LRRC7: variants seen among roughly 807,000 people sequenced by gnomAD.
LRRC7 encodes leucine rich repeat containing 7.
In LRRC7, 23 loss-of-function variants were observed where a neutral mutation model predicts 175.7. The observed-to-expected ratio is 0.13, with a 90% confidence interval of 0.09 to 0.19. LRRC7 has a LOEUF of 0.19. Among genes scored for constraint, LRRC7 ranks in the 10% least tolerant of loss-of-function variants. The probability of loss-of-function intolerance (pLI) is 1.00; values close to 1 mark genes in which losing one functional copy is unlikely to be tolerated. For synonymous variants in LRRC7, 685 were observed against 680.9 expected, an observed-to-expected ratio of 1.01 and a Z score of -0.09; for missense variants, 1,354 against 1,904.7, an observed-to-expected ratio of 0.71 and a Z score of 5.38.
intron 3 of LRRC7, among the ~76,000 whole-genome samples, chr1:69,761,172 T>C (rs1478051707): frequency 6.6e-6 from 1 of 151,984 alleles, no homozygotes. Context: ...CCTAAGTAAG[T>C]AACCCAGATT....
intron 8 of LRRC7, among the ~76,000 whole-genome samples, chr1:69,975,970 C>G (rs894549740): frequency 6.6e-6 from 1 of 152,044 alleles, no homozygotes; most frequent in East Asian, 1.9e-4. Flanking sequence ...CTTTCCTTTC[C>G]CTTGACCCCT....
At chr1:70,044,220 A>G in intron 22 of LRRC7, 126 bp downstream of exon 22, 2 of 858,018 alleles carry the variant, frequency 2.3e-6, no homozygotes, top group Non-Finnish European at 3.5e-6. Context: ...CAAAAAGCAC[A>G]AGGGCAAGTA....
Position 69,948,339 on chromosome 1 carries a change from C to G in LRRC7, c.711+16769C>G, listed in dbSNP as rs114562617. Among the ~76,000 whole-genome samples the G allele has an allele frequency of 8.1e-3, 1,236 of 152,254 alleles. 14 individuals are homozygous for G. The highest frequency in any genetic ancestry group is 0.027 in the African/African-American group (1,131 of 41,550). On this transcript the variant is annotated intron_variant, in intron 8 of 26. Transcript: ENST00000651989. The stretch of plus-strand genomic sequence containing the variant: ...TCATATGCTTTTGTGTCACTGTTTA[C>G]TGTCCTTTTGTTTCAACTTGAAGGA...
At chr1:69,739,288 C>A (rs1668453893) in intron 2 of LRRC7, among the ~76,000 whole-genome samples, 1 of 152,018 alleles carries the variant, frequency 6.6e-6, no homozygotes, top group Non-Finnish European at 1.5e-5. Flanking sequence ...CCTGGCCTTG[C>A]TGGGGGCTCG....
intron 3 of LRRC7, among the ~76,000 whole-genome samples, chr1:69,779,497 A>G (rs974321217): frequency 1.3e-5 from 2 of 152,234 alleles, no homozygotes; most frequent in African/African-American, 4.8e-5. Context: ...ATTATTATTG[A>G]ATACAGTAGA....
At chr1:70,042,727 T>A (rs1307579282) in intron 21 of LRRC7, among the ~76,000 whole-genome samples, 3 of 152,172 alleles carry the variant, frequency 2.0e-5, no homozygotes, top group African/African-American at 4.8e-5. Context: ...ATTTTCCAAG[T>A]GCTAGATTGA....
chr1:69,638,801 T>C (rs948810729), intron 1 of LRRC7, among the ~76,000 whole-genome samples: 4 of 151,740 alleles, frequency 2.6e-5, no homozygotes, highest in African/African-American at 9.7e-5. Context: ...TTAAAGCAAC[T>C]CTGTTTTGAA....
At chr1:69,785,619 A>AT (rs1178964272) in intron 3 of LRRC7, among the ~76,000 whole-genome samples, 22 of 151,776 alleles carry the variant, frequency 1.4e-4, no homozygotes, top group Non-Finnish European at 4.4e-5. Flanking sequence ...CATTCCATTT[A>AT]TTTTGTCTCT....
intron 8 of LRRC7, among the ~76,000 whole-genome samples, chr1:69,973,508 G>T (rs866821375): frequency 3.9e-5 from 6 of 152,114 alleles, no homozygotes; most frequent in African/African-American, 1.4e-4. Context: ...TACATGGCAG[G>T]AGTTATTGGA....
At chr1:70,037,039 TTA>T (rs1337326088) in intron 20 of LRRC7, among the ~76,000 whole-genome samples, 4 of 152,172 alleles carry the variant, frequency 2.6e-5, no homozygotes, top group Non-Finnish European at 5.9e-5. Flanking sequence ...CATCATAATT[TTA>T]TCACCACCTG....
chr1:69,870,619 G>A (rs1685431967), intron 7 of LRRC7, among the ~76,000 whole-genome samples: 1 of 152,002 alleles, frequency 6.6e-6, no homozygotes, highest in East Asian at 1.9e-4. Context: ...TTTAATAAAT[G>A]TATACATGCA....
At chr1:69,621,139 G>T (rs1162039685) in intron 1 of LRRC7, among the ~76,000 whole-genome samples, 2 of 151,704 alleles carry the variant, frequency 1.3e-5, no homozygotes, top group Non-Finnish European at 2.9e-5. Flanking sequence ...CTGCCTCCTG[G>T]GTTCAAGCGA....
intron 24 of LRRC7, among the ~76,000 whole-genome samples, chr1:70,085,254 T>C (rs948577815): frequency 6.6e-6 from 1 of 152,046 alleles, no homozygotes; most frequent in East Asian, 1.9e-4. Flanking sequence ...CATCAAAGGG[T>C]TTTATAATCT....
chr1:70,039,122 G>T lies in LRRC7; in HGVS notation c.3298G>T (p.Ala1100Ser), dbSNP rs1293834287. 1 of 1,614,096 alleles carries T rather than the reference G, an allele frequency of 6.2e-7. No individual in the cohort carries two copies. The highest frequency in any genetic ancestry group is 2.2e-5 in the East Asian group (1 of 44,840). Reference protein sequence around the residue: ...FQHNPEYVQQASKNIAKDLIS... With the variant: ...FQHNPEYVQQSSKNIAKDLIS... ...ACACAATCCCGAGTACGTGCAACAG[G>T]CCAGCAAAAACATCGCCAAGGATTT... The change falls in exon 21 of 27, where the codon GCC (alanine) becomes TCC (serine). Residue 1100 changes from alanine (A) to serine (S), a missense_variant. Ala to Ser is a moderately conservative substitution (Grantham distance 99, BLOSUM62 1). Coordinates refer to ENST00000651989, the MANE Select transcript of LRRC7 (RefSeq NM_001370785.2).
chr1:69,842,932 C>A (rs1681892962), intron 7 of LRRC7, among the ~76,000 whole-genome samples: 1 of 152,078 alleles, frequency 6.6e-6, no homozygotes, highest in African/African-American at 2.4e-5. Context: ...GGAGCAGTGG[C>A]TCACATCTGT....
intron 1 of LRRC7, 151 bp from the exon 2 acceptor site, chr1:69,678,230 C>T (rs760013178): frequency 1.4e-5 from 8 of 586,070 alleles, no homozygotes; most frequent in Admixed American, 5.7e-5. Context: ...CTATGGTCCC[C>T]GATGCTCCCT....
chr1:69,992,902 C>T (rs944011292), intron 10 of LRRC7, among the ~76,000 whole-genome samples: 3 of 152,038 alleles, frequency 2.0e-5, no homozygotes, highest in Admixed American at 6.6e-5. Flanking sequence ...GACTTTGTGA[C>T]GTTTGCTCAG....
chr1:69,591,095 A>G (rs1046665088), intron 1 of LRRC7, among the ~76,000 whole-genome samples: 3 of 152,098 alleles, frequency 2.0e-5, no homozygotes, highest in Non-Finnish European at 4.4e-5. Flanking sequence ...ATTAATTCTA[A>G]AAAATCCTAT....
At chr1:69,576,068 CT>C (rs61312952) in intron 1 of LRRC7, among the ~76,000 whole-genome samples, 9,455 of 145,928 alleles carry the variant, frequency 0.065, 348 homozygotes, top group Middle Eastern at 0.11. Context: ...GTTGTATCTA[CT>C]TTTTTTTTTT....
Sources: gnomAD v4.1 joint callset for allele counts (sites outside exome capture counted in the v4.1 genomes callset) on GRCh38, gnomAD v4.1.1 for gene constraint, MANE v1.5 for transcripts, NCBI Gene and HGNC (gene_info 2026-07-23, HGNC 2026-07-21) for gene names.